The following GRK4 variants were observed in gnomAD, a reference collection of about 807,000 sequenced individuals.
GRK4 encodes the protein G protein-coupled receptor kinase 2-like.
GRK4 carries 73 observed loss-of-function variants against 77.9 expected under a neutral mutation model. The ratio of observed to expected loss-of-function variants is 0.94; its 90% confidence interval spans 0.78 to 1.14. GRK4 has a LOEUF of 1.14. Ranked by LOEUF, GRK4 falls within the 50% of genes most tolerant of loss-of-function variation. GRK4 has a pLI of 0.00. For missense variants in GRK4, 729 were observed against 700.2 expected (o/e 1.04, Z -0.46); for synonymous variants, 257 against 254.4 (o/e 1.01, Z -0.10).
chr4:2,998,587 AAAT>A lies in GRK4; in HGVS notation c.340-5643_340-5641del, dbSNP rs747683186. ...TAGCAATTAAAATCCAAAAAAAAAGAAATTAAGAAAGCAATTCCCTTTGTATAG... is the reference window on the plus strand; with the variant it reads ...TAGCAATTAAAATCCAAAAAAAAAGATAAGAAAGCAATTCCCTTTGTATAG... On this transcript the variant is annotated intron_variant, in intron 4 of 15. Transcript: ENST00000398052. 3.2e-3 allele frequency among the ~76,000 whole-genome samples: 480 copies of A among 152,212 alleles called. 4 individuals are homozygous for A. The highest frequency in any genetic ancestry group is 5.6e-3 in the Non-Finnish European group (380 of 68,002).
chr4:3,024,026 CTCT>C (rs1736759405), intron 10 of GRK4, among the ~76,000 whole-genome samples: 1 of 152,164 alleles, frequency 6.6e-6, no homozygotes, highest in Admixed American at 6.5e-5. Flanking sequence ...GTGTAGTTCT[CTCT>C]TCTTTAGAAC....
At chr4:2,990,904 A>C (rs1279120602) in intron 3 of GRK4, among the ~76,000 whole-genome samples, 1 of 152,144 alleles carries the variant, frequency 6.6e-6, no homozygotes, top group Admixed American at 6.5e-5. Context: ...TGCTTTGACT[A>C]TCCTCGTGAT....
Position 3,001,089 on chromosome 4 carries a change from A to ATATATATGTGTGTGTGTG in GRK4, c.340-3141_340-3140insATATATGTGTGTGTGTGT. 6.6e-3 allele frequency among the ~76,000 whole-genome samples: 540 copies of ATATATATGTGTGTGTGTG among 82,436 alleles called. 75 individuals are homozygous for ATATATATGTGTGTGTGTG. The highest frequency in any genetic ancestry group is 0.03 in the African/African-American group (514 of 17,218). 54.1% of individuals were successfully genotyped at this position (82,436 alleles called of 152,430 possible). A position where few individuals can be genotyped will look rare whatever the true frequency, so the allele number is the denominator to read the frequency against. On this transcript the variant is annotated intron_variant, in intron 4 of 15. Coordinates refer to ENST00000398052, the MANE Select transcript of GRK4 (RefSeq NM_182982.3). The stretch of plus-strand genomic sequence containing the variant: ...TAAATGAGACTATATATATATATAT[A>ATATATATGTGTGTGTGTG]TGTGTGTGTGTGTGTGTATATATAT...
At chr4:3,024,747 A>G (rs1358278068) in intron 10 of GRK4, among the ~76,000 whole-genome samples, 4 of 151,388 alleles carry the variant, frequency 2.6e-5, no homozygotes, top group Non-Finnish European at 5.9e-5. Flanking sequence ...AATCCCAGCT[A>G]CTCAGGAGGC....
At chr4:2,990,975 C>G (rs944572585) in intron 3 of GRK4, among the ~76,000 whole-genome samples, 2 of 152,228 alleles carry the variant, frequency 1.3e-5, no homozygotes, top group African/African-American at 4.8e-5. Flanking sequence ...TCATTTCCCC[C>G]TCATGGCACA....
Position 2,992,209 on chromosome 4 carries a change from AATCAGGCAGAATATG to A in GRK4, c.262-4_272del. 1 of 1,601,148 alleles carries A rather than the reference AATCAGGCAGAATATG, an allele frequency of 6.2e-7. No individual in the cohort carries two copies. Among genetic ancestry groups the A allele is most frequent in the Non-Finnish European group, 8.6e-7 (1 of 1,168,588 alleles). Reference sequence around the variant, plus strand: ...GTTCTTTCTTTTCTTCCATCTCTCCAATCAGGCAGAATATGAAGTTGCCGATGATGAGGACCGAAG... The same window carrying A: ...GTTCTTTCTTTTCTTCCATCTCTCCAAAGTTGCCGATGATGAGGACCGAAG... On this transcript the variant is annotated splice_acceptor_variant and splice_polypyrimidine_tract_variant and coding_sequence_variant and intron_variant, in exon 4 of 16. Coordinates refer to ENST00000398052, the MANE Select transcript of GRK4 (RefSeq NM_182982.3). LOFTEE classifies it high-confidence loss of function.
rs573052257 is a variant in GRK4 at position 2,978,660 on chromosome 4, C to G, written c.53-5853C>G. On this transcript the variant is annotated intron_variant, in intron 1 of 15. Coordinates refer to ENST00000398052, the MANE Select transcript of GRK4 (RefSeq NM_182982.3). ...CAATTGCTGCCGTCCTAAAAAAAGT[C>G]CAGGCCAGGCAAGGTGGCTCATGCT... Among the ~76,000 whole-genome samples the G allele has an allele frequency of 1.2e-3, 179 of 152,284 alleles. 3 individuals carry two copies. The Middle Eastern group carries it at 0.027, about 23-fold the overall frequency.
intron 12 of GRK4, among the ~76,000 whole-genome samples, chr4:3,031,594 G>A (rs564077986): frequency 2.6e-5 from 4 of 152,320 alleles, no homozygotes; most frequent in East Asian, 1.9e-4. Context: ...TCCAGTGGAC[G>A]AGGAAATGGA....
At chr4:3,019,927 G>C (rs971865093) in intron 9 of GRK4, 96 bp downstream of exon 9, 4 of 1,202,460 alleles carry the variant, frequency 3.3e-6, no homozygotes, top group African/African-American at 3.0e-5. Context: ...TTCCAGGATG[G>C]GCAGGAGAAT....
rs761909896 is a variant in GRK4 at position 3,013,610 on chromosome 4, C to T, written c.601-78C>T. The T allele has an allele frequency of 5.9e-6, 9 of 1,513,640 alleles. No homozygotes were observed. In the Admixed American group the frequency reaches 1.9e-4, roughly 32 times the overall value. 93.8% of individuals were successfully genotyped at this position (1,513,640 alleles called of 1,614,324 possible). ...TGGTCTCTGCCAGTGAGGGTCTCAT[C>T]AAGCAAAGAGCTTCCTTTGTGTGGC... On this transcript the variant is annotated intron_variant, in intron 7 of 15. Coordinates refer to ENST00000398052, the MANE Select transcript of GRK4 (RefSeq NM_182982.3).
At position 3,038,681 on chromosome 4, in the gene GRK4, G is replaced by A. The variant is rs1741537444; in HGVS notation, c.1683+168G>A. 2.1e-5 allele frequency: 13 copies of A among 629,688 alleles called. No homozygotes were observed. In the South Asian group the frequency reaches 2.9e-4, roughly 14 times the overall value. The allele number at this position is 629,688 out of a possible 1,614,324, so 39.0% of individuals were successfully genotyped here. On this transcript the variant is annotated intron_variant, in intron 15 of 15. Transcript: ENST00000398052. ...CTAGGTGGAGGCCAGCCAGAACAAT[G>A]AGAACACCCTCGCAGTGAGGTTTGT...
At chr4:2,975,977 A>C (rs1721020621) in intron 1 of GRK4, among the ~76,000 whole-genome samples, 1 of 152,172 alleles carries the variant, frequency 6.6e-6, no homozygotes, top group Admixed American at 6.5e-5. Context: ...ATAGTAGCCA[A>C]ATCCCCAAAC....
At chr4:3,018,752 C>T (rs138620077) in intron 8 of GRK4, among the ~76,000 whole-genome samples, 1,608 of 152,114 alleles carry the variant, frequency 0.011, 36 homozygotes, top group African/African-American at 0.037. Context: ...GTGACAGGTG[C>T]CTATAATCCC....
chr4:2,995,414 A>T (rs1727519811), intron 4 of GRK4, among the ~76,000 whole-genome samples: 1 of 151,694 alleles, frequency 6.6e-6, no homozygotes, highest in Non-Finnish European at 1.5e-5. Context: ...CACGCCTGTA[A>T]TCCCGGCACT....
intron 4 of GRK4, among the ~76,000 whole-genome samples, chr4:3,000,435 T>A (rs1024684123): frequency 3.3e-5 from 5 of 152,212 alleles, no homozygotes; most frequent in African/African-American, 1.2e-4. Flanking sequence ...GTTAAAATAT[T>A]GTCTTTGTCT....
intron 3 of GRK4, 79 bp downstream of exon 3, chr4:2,988,918 G>C: frequency 1.2e-6 from 1 of 862,756 alleles, no homozygotes; most frequent in Middle Eastern, 2.2e-4. Context: ...AGGCGCAGTA[G>C]CTCATGCTGT....
At chr4:3,007,227 C>G (rs902663346) in intron 5 of GRK4, among the ~76,000 whole-genome samples, 6 of 152,122 alleles carry the variant, frequency 3.9e-5, no homozygotes, top group African/African-American at 1.4e-4. Context: ...AATAACAAAA[C>G]AATAATAAAT....
At chr4:2,985,876 GT>G (rs1724172212) in intron 2 of GRK4, 1 of 162,652 alleles carries the variant, frequency 6.1e-6, no homozygotes, top group South Asian at 1.2e-4. Context: ...GCGGGCGCCT[GT>G]AGTCCCAGCT....
chr4:2,972,093 G>A (rs1248245560), intron 1 of GRK4, among the ~76,000 whole-genome samples: 1 of 152,206 alleles, frequency 6.6e-6, no homozygotes, highest in African/African-American at 2.4e-5. Context: ...CTCTGAAACA[G>A]ATGAAGGCAG....
Sources: allele counts gnomAD v4.1 joint callset (sites outside exome capture counted in the v4.1 genomes callset), GRCh38; gene constraint gnomAD v4.1.1; transcripts MANE v1.5; gene names NCBI Gene and HGNC (gene_info 2026-07-23, HGNC 2026-07-21).